KIAA0825: variants seen among roughly 807,000 people sequenced by gnomAD.
KIAA0825 encodes the protein uncharacterized protein KIAA0825.
KIAA0825 carries 119 observed loss-of-function variants against 147.6 expected under a neutral mutation model. The observed-to-expected ratio is 0.81, with a 90% CI of 0.69 to 0.94. The LOEUF is 0.94. KIAA0825 is among the 40% of genes least tolerant of loss of function. The pLI is 0.00. For synonymous variants in KIAA0825, 470 were observed against 518.1 expected, an observed-to-expected ratio of 0.91 and a Z score of 1.26; for missense variants, 1,381 against 1,472.7, an observed-to-expected ratio of 0.94 and a Z score of 1.02.
chr5:94,388,931 C>T (rs1749542109), intron 18 of KIAA0825, among the ~76,000 whole-genome samples: 1 of 152,234 alleles, frequency 6.6e-6, no homozygotes, highest in South Asian at 2.1e-4. Flanking sequence ...ATGACCTCAA[C>T]TACCACACTC....
chr5:94,305,425 T>C (rs893942926), intron 20 of KIAA0825, among the ~76,000 whole-genome samples: 1 of 151,984 alleles, frequency 6.6e-6, no homozygotes, highest in African/African-American at 2.4e-5. Flanking sequence ...GATTGACATA[T>C]GACATTTATA....
intron 16 of KIAA0825, among the ~76,000 whole-genome samples, chr5:94,403,310 A>G (rs545171455): frequency 3.3e-5 from 5 of 152,214 alleles, no homozygotes; most frequent in Non-Finnish European, 7.4e-5. Flanking sequence ...TGTGACTATT[A>G]GCCTGAACAC....
At chr5:94,222,007 T>C (rs1335396576) in intron 20 of KIAA0825, among the ~76,000 whole-genome samples, 1 of 152,128 alleles carries the variant, frequency 6.6e-6, no homozygotes, top group Non-Finnish European at 1.5e-5. Context: ...ATGATCTTAC[T>C]TCTTCACTGT....
intron 3 of KIAA0825, among the ~76,000 whole-genome samples, chr5:94,529,221 A>C (rs1386807912): frequency 3.1e-5 from 4 of 128,800 alleles, no homozygotes; most frequent in Non-Finnish European, 6.5e-5. Context: ...ATATATATGT[A>C]TGTATCATAT....
intron 2 of KIAA0825, among the ~76,000 whole-genome samples, chr5:94,572,156 G>A (rs2152329767): frequency 6.6e-6 from 1 of 151,636 alleles, no homozygotes; most frequent in Middle Eastern, 3.4e-3. Context: ...TCACTCTATG[G>A]CAAGAGTAAA....
intron 5 of KIAA0825, among the ~76,000 whole-genome samples, chr5:94,506,955 G>A (rs1765804522): frequency 6.6e-6 from 1 of 152,028 alleles, no homozygotes; most frequent in African/African-American, 2.4e-5. Context: ...TGATAACAGT[G>A]AATTTATATG....
chr5:94,314,613 A>G (rs1779475670), intron 20 of KIAA0825, among the ~76,000 whole-genome samples: 1 of 151,636 alleles, frequency 6.6e-6, no homozygotes, highest in Non-Finnish European at 1.5e-5. Flanking sequence ...CACTAGCAAA[A>G]GAAAAAAGTG....
chr5:94,561,364 T>C (rs1245785348), intron 2 of KIAA0825, among the ~76,000 whole-genome samples: 1 of 152,238 alleles, frequency 6.6e-6, no homozygotes, highest in African/African-American at 2.4e-5. Context: ...ACTGTATGTA[T>C]ACTGCTTCCC....
At chr5:94,486,020 T>A (rs1291420358) in intron 5 of KIAA0825, among the ~76,000 whole-genome samples, 3 of 151,958 alleles carry the variant, frequency 2.0e-5, no homozygotes, top group Admixed American at 1.3e-4. Flanking sequence ...AATCCCTTTA[T>A]ACTCTTTAAG....
chr5:94,372,303 GC>G (rs1353372519), intron 20 of KIAA0825, among the ~76,000 whole-genome samples: 1 of 151,742 alleles, frequency 6.6e-6, no homozygotes, highest in Non-Finnish European at 1.5e-5. Context: ...GCTAGGCAGT[GC>G]CCCAGTGGGG....
chr5:94,217,702 A>G (rs1773323105), intron 20 of KIAA0825, among the ~76,000 whole-genome samples: 1 of 152,202 alleles, frequency 6.6e-6, no homozygotes, highest in African/African-American at 2.4e-5. Context: ...ATGTATTTAG[A>G]TATCAGTGTT....
intron 20 of KIAA0825, among the ~76,000 whole-genome samples, chr5:94,180,045 A>G (rs996787803): frequency 1.3e-5 from 2 of 152,116 alleles, no homozygotes; most frequent in Admixed American, 1.3e-4. Flanking sequence ...ATATTTTTAT[A>G]ATATCAAAGC....
rs1768787186 is a variant in KIAA0825 at position 94,524,086 on chromosome 5, G to T, written c.144C>A (p.Cys48Ter). 1.2e-6 allele frequency: 2 copies of T among 1,605,394 alleles called. No individual in the cohort carries two copies. The highest frequency in any genetic ancestry group is 1.7e-6 in the Non-Finnish European group (2 of 1,175,060). ...TAATTTCGGACTGTATCTCTTTAAT[G>T]CAATGTTTTATGCTATAAAAAACAG... ...IEQNAASIKH[C>*]IKEIQSEINK... Residue 48 changes from cysteine to a stop codon, truncating the protein, a stop_gained, in exon 4 of 21, where the codon TGC becomes TGA. Transcript: ENST00000682413. LOFTEE classifies it high-confidence loss of function.
intron 2 of KIAA0825, among the ~76,000 whole-genome samples, chr5:94,552,207 A>C (rs540554607): frequency 6.6e-6 from 1 of 152,312 alleles, no homozygotes; most frequent in African/African-American, 2.4e-5. Context: ...GGATCGGTTT[A>C]GCAAAAGTAT....
intron 20 of KIAA0825, among the ~76,000 whole-genome samples, chr5:94,185,576 C>T (rs896096672): frequency 9.9e-5 from 15 of 152,026 alleles, no homozygotes; most frequent in African/African-American, 3.4e-4. Flanking sequence ...GAAGAATTAC[C>T]CCTGCACTCT....
intron 18 of KIAA0825, among the ~76,000 whole-genome samples, chr5:94,390,073 C>T (rs1426206376): frequency 1.3e-5 from 2 of 152,168 alleles, no homozygotes; most frequent in African/African-American, 2.4e-5. Context: ...GTTATATGAG[C>T]TCTATGAGGG....
intron 2 of KIAA0825, among the ~76,000 whole-genome samples, chr5:94,576,973 A>G (rs73132670): frequency 0.1 from 15,892 of 152,260 alleles, 989 homozygotes; most frequent in East Asian, 0.23. Context: ...TAAAAGATGC[A>G]CAGCAATTTA....
At chr5:94,597,048 T>G (rs886710929) in intron 1 of KIAA0825, among the ~76,000 whole-genome samples, 11 of 152,190 alleles carry the variant, frequency 7.2e-5, no homozygotes, top group Non-Finnish European at 1.3e-4. Flanking sequence ...CTTCCTCTCT[T>G]CCTATTTGGA....
At chr5:94,188,225 A>G (rs1400034125) in intron 20 of KIAA0825, among the ~76,000 whole-genome samples, 1 of 152,222 alleles carries the variant, frequency 6.6e-6, no homozygotes, top group African/African-American at 2.4e-5. Flanking sequence ...TTCTGTTACA[A>G]TCGTCTGAAT....
Sources: allele counts gnomAD v4.1 joint callset (sites outside exome capture counted in the v4.1 genomes callset), GRCh38; gene constraint gnomAD v4.1.1; transcripts MANE v1.5; gene names NCBI Gene and HGNC (gene_info 2026-07-23, HGNC 2026-07-21).